Variants in RAPGEF5 observed in about 807,000 individuals in gnomAD.
RAPGEF5 encodes the protein Rap guanine nucleotide exchange factor 5, also known as M-Ras-regulated GEF.
A neutral mutation model predicts 125.2 loss-of-function variants in RAPGEF5; 65 were observed. That is an observed-to-expected ratio of 0.52 (90% confidence interval 0.43 to 0.64). RAPGEF5 has a LOEUF of 0.64. RAPGEF5 is among the 30% of genes least tolerant of loss of function. The probability of loss-of-function intolerance (pLI) is 0.00; values close to 1 mark genes in which losing one functional copy is unlikely to be tolerated. For synonymous variants in RAPGEF5, 391 were observed against 385.9 expected (o/e 1.01, Z -0.16); for missense variants, 958 against 1,048.1 (o/e 0.91, Z 1.19).
intron 21 of RAPGEF5, among the ~76,000 whole-genome samples, chr7:22,138,498 C>CACCAG (rs150250056): frequency 0.13 from 19,773 of 152,166 alleles, 1,366 homozygotes; most frequent in South Asian, 0.17. Context: ...TTCATCCAGT[C>CACCAG]ACCAGACCTG....
intron 20 of RAPGEF5, among the ~76,000 whole-genome samples, chr7:22,142,307 C>A (rs966440189): frequency 6.6e-6 from 1 of 152,140 alleles, no homozygotes; most frequent in Non-Finnish European, 1.5e-5. Flanking sequence ...CACAAGAAGC[C>A]TTTTAAACAG....
chr7:22,170,172 A>G (rs1281086773), intron 11 of RAPGEF5, among the ~76,000 whole-genome samples: 1 of 152,104 alleles, frequency 6.6e-6, no homozygotes, highest in East Asian at 1.9e-4. Flanking sequence ...CTTGTGCCTC[A>G]GCCTCCCAAG....
intron 13 of RAPGEF5, among the ~76,000 whole-genome samples, chr7:22,162,159 T>G (rs561973422): frequency 2.0e-5 from 3 of 152,104 alleles, no homozygotes; most frequent in Non-Finnish European, 2.9e-5. Context: ...TATCAAATTT[T>G]GAATGTTTTG....
In RAPGEF5 at chr7:22,119,023, T is replaced by C. The variant is rs540268083; in HGVS notation, c.*3383A>G. 6.6e-6 allele frequency: 1 copy of C among 152,038 alleles called. No individual in the cohort carries two copies. Among genetic ancestry groups the C allele is most frequent in the Non-Finnish European group, 1.5e-5 (1 of 68,016 alleles). 9.4% of individuals were successfully genotyped at this position (152,038 alleles called of 1,614,324 possible). A position where few individuals can be genotyped will look rare whatever the true frequency, so the allele number is the denominator to read the frequency against. ...TGGACCACTGCGGAAGACCCGATCGTCCCCATTTTAATGTTTTTGCCCAGT... is the reference window on the plus strand; with the variant it reads ...TGGACCACTGCGGAAGACCCGATCGCCCCCATTTTAATGTTTTTGCCCAGT... On this transcript the variant is annotated 3_prime_UTR_variant, in exon 26 of 26. Coordinates refer to ENST00000665637, the MANE Select transcript of RAPGEF5 (RefSeq NM_012294.5). The surrounding 1 kb of genome is among the most constrained non-coding windows in gnomAD (Gnocchi z 4.1).
intron 7 of RAPGEF5, among the ~76,000 whole-genome samples, chr7:22,248,337 T>C (rs768847529): frequency 6.6e-6 from 1 of 152,206 alleles, no homozygotes; most frequent in Non-Finnish European, 1.5e-5. Flanking sequence ...CAACTTCAAC[T>C]AACTTGGATT....
intron 24 of RAPGEF5, among the ~76,000 whole-genome samples, chr7:22,130,597 T>C (rs755055239): frequency 3.9e-5 from 6 of 152,084 alleles, no homozygotes; most frequent in African/African-American, 1.2e-4. Context: ...GAGACAAACA[T>C]ATATCCCCAG....
At chr7:22,280,803 G>A (rs1782657730) in intron 6 of RAPGEF5, among the ~76,000 whole-genome samples, 1 of 152,044 alleles carries the variant, frequency 6.6e-6, no homozygotes, top group African/African-American at 2.4e-5. Flanking sequence ...TACATCCTGA[G>A]CTGATGCTGC....
At chr7:22,310,794 G>C (rs2128153103) in intron 3 of RAPGEF5, among the ~76,000 whole-genome samples, 1 of 152,234 alleles carries the variant, frequency 6.6e-6, no homozygotes, top group African/African-American at 2.4e-5. Flanking sequence ...CATAAACCCA[G>C]ATGTGTTGGA....
chr7:22,314,997 G>T (rs1461467588), intron 3 of RAPGEF5, among the ~76,000 whole-genome samples: 1 of 152,036 alleles, frequency 6.6e-6, no homozygotes, highest in Non-Finnish European at 1.5e-5. Context: ...CTCTGCCCAA[G>T]ACATCCTTTC....
intron 13 of RAPGEF5, among the ~76,000 whole-genome samples, chr7:22,160,970 G>A (rs1229338520): frequency 6.6e-6 from 1 of 152,042 alleles, no homozygotes; most frequent in Non-Finnish European, 1.5e-5. Flanking sequence ...GCTGAGGCAG[G>A]CAGATCATGA....
At chr7:22,166,059 ATATTATATACATATATATG>A (rs1458796624) in intron 12 of RAPGEF5, among the ~76,000 whole-genome samples, 1 of 147,074 alleles carries the variant, frequency 6.8e-6, no homozygotes, top group Middle Eastern at 3.3e-3. Flanking sequence ...TATTATATAT[ATATTATATACATATATATG>A]TATCATATAT....
chr7:22,200,068 T>C (rs1785242746), intron 9 of RAPGEF5, among the ~76,000 whole-genome samples: 1 of 152,192 alleles, frequency 6.6e-6, no homozygotes, highest in Non-Finnish European at 1.5e-5. Context: ...AGAGGGCACA[T>C]GATTTAGCAG....
At chr7:22,299,210 T>C (rs1485454065) in intron 5 of RAPGEF5, among the ~76,000 whole-genome samples, 1 of 152,200 alleles carries the variant, frequency 6.6e-6, no homozygotes, top group Non-Finnish European at 1.5e-5. Context: ...AGCATTAAAA[T>C]CTATCGATAT....
chr7:22,182,526 C>CT (rs1415861577), intron 11 of RAPGEF5, among the ~76,000 whole-genome samples: 3 of 152,180 alleles, frequency 2.0e-5, no homozygotes, highest in African/African-American at 7.2e-5. Context: ...CAGCCAGACA[C>CT]TAACAAAACC....
chr7:22,217,306 G>T (rs1785662068), intron 9 of RAPGEF5, among the ~76,000 whole-genome samples: 1 of 152,212 alleles, frequency 6.6e-6, no homozygotes, highest in Non-Finnish European at 1.5e-5. Context: ...AGTTTCCTCT[G>T]TCCATGCTGT....
intron 5 of RAPGEF5, among the ~76,000 whole-genome samples, chr7:22,299,988 C>T (rs1783159802): frequency 6.6e-6 from 1 of 152,112 alleles, no homozygotes; most frequent in Non-Finnish European, 1.5e-5. Flanking sequence ...GTTTGGGGTT[C>T]ACTGGACCTC....
At chr7:22,307,455 C>CT (rs1225827647) in intron 5 of RAPGEF5, among the ~76,000 whole-genome samples, 2 of 152,036 alleles carry the variant, frequency 1.3e-5, no homozygotes, top group Non-Finnish European at 2.9e-5. Context: ...TTATGAAGGT[C>CT]TTTTTTTCTG....
intron 1 of RAPGEF5, among the ~76,000 whole-genome samples, chr7:22,329,542 A>G (rs1168310846): frequency 1.3e-5 from 2 of 152,246 alleles, no homozygotes; most frequent in Non-Finnish European, 2.9e-5. Context: ...AAGAGTCTTA[A>G]CACATGGAAA....
intron 7 of RAPGEF5, among the ~76,000 whole-genome samples, chr7:22,250,040 T>C (rs867702920): frequency 1.8e-4 from 28 of 152,326 alleles, no homozygotes; most frequent in Non-Finnish European, 2.9e-5. Flanking sequence ...GAAAGGGACC[T>C]AGGATTATTT....
Sources: allele counts gnomAD v4.1 joint callset (sites outside exome capture counted in the v4.1 genomes callset), GRCh38; gene constraint gnomAD v4.1.1; non-coding constraint Gnocchi (gnomAD v3.1); transcripts MANE v1.5; gene names NCBI Gene and HGNC (gene_info 2026-07-23, HGNC 2026-07-21).